The following MAPT variants were observed in gnomAD, a reference collection of about 807,000 sequenced individuals.
MAPT encodes microtubule associated protein tau.
In MAPT, 34 loss-of-function variants were observed where a neutral mutation model predicts 67.9. The observed-to-expected ratio is 0.50, with a 90% CI of 0.38 to 0.67. The LOEUF (loss-of-function observed/expected upper bound fraction) is 0.67. Among genes scored for constraint, MAPT ranks in the 30% least tolerant of loss-of-function variants. MAPT has a pLI of 0.00. For missense variants in MAPT, 881 were observed against 1,115.2 expected (o/e 0.79, Z 2.99); for synonymous variants, 456 against 464.5 (o/e 0.98, Z 0.23).
intron 9 of MAPT, among the ~76,000 whole-genome samples, chr17:46,002,330 G>T (rs1450269083): frequency 6.6e-6 from 1 of 152,184 alleles, no homozygotes; most frequent in African/African-American, 2.4e-5. Context: ...CCTTCTTGGG[G>T]GGTCGCTGGG....
chr17:45,943,653 C>G (rs911487643), intron 1 of MAPT, among the ~76,000 whole-genome samples: 1 of 152,150 alleles, frequency 6.6e-6, no homozygotes, highest in Admixed American at 6.6e-5. Flanking sequence ...TTTTCTGTGG[C>G]CTTTCAAACT....
At chr17:46,017,358 C>G (rs2076247719) in intron 11 of MAPT, among the ~76,000 whole-genome samples, 1 of 151,406 alleles carries the variant, frequency 6.6e-6, no homozygotes, top group African/African-American at 2.4e-5. Context: ...ACTGCAACCT[C>G]CGCCTCCTGG....
chr17:46,018,635 G>A lies in MAPT; in HGVS notation c.2191G>A (p.Val731Ile), dbSNP rs1410563804. ...HHKPGGGQVE[V>I]KSEKLDFKDR... ...TGTTCTAGGAGGTGGCCAGGTGGAA[G>A]TAAAATCTGAGAAGCTTGACTTCAA... is the stretch of plus-strand genomic sequence containing the variant. Residue 731 changes from valine (V) to isoleucine (I), a missense_variant, in exon 12 of 13, where the codon GTA (valine) becomes ATA (isoleucine). Coordinates refer to ENST00000262410, the MANE Select transcript of MAPT (RefSeq NM_001377265.1). 1.2e-6 allele frequency: 2 copies of A among 1,613,996 alleles called. No homozygotes were observed. Among genetic ancestry groups the A allele is most frequent in the South Asian group, 2.2e-5 (2 of 91,086 alleles).
chr17:45,954,808 G>A (rs1294370286), intron 1 of MAPT, among the ~76,000 whole-genome samples: 4 of 151,776 alleles, frequency 2.6e-5, no homozygotes, highest in East Asian at 1.9e-4. Flanking sequence ...GTGAAACCCC[G>A]TCTCTACTAA....
intron 10 of MAPT, among the ~76,000 whole-genome samples, chr17:46,012,249 C>A (rs1002746407): frequency 5.3e-5 from 8 of 152,178 alleles, no homozygotes; most frequent in African/African-American, 1.9e-4. Flanking sequence ...CTCTGGGTAG[C>A]TGATGCCCAA....
chr17:45,985,404 T>C (rs941421889), intron 5 of MAPT, among the ~76,000 whole-genome samples: 1 of 152,158 alleles, frequency 6.6e-6, no homozygotes, highest in African/African-American at 2.4e-5. Context: ...ACTTGACAGG[T>C]TACTACAATA....
intron 4 of MAPT, among the ~76,000 whole-genome samples, chr17:45,981,023 G>A (rs2072898187): frequency 6.6e-6 from 1 of 152,240 alleles, no homozygotes; most frequent in Non-Finnish European, 1.5e-5. Context: ...AACAGGAATT[G>A]GAGGGGCCCA....
At chr17:45,929,646 T>C (rs952849285) in intron 1 of MAPT, among the ~76,000 whole-genome samples, 7 of 152,204 alleles carry the variant, frequency 4.6e-5, no homozygotes, top group Non-Finnish European at 1.0e-4. Flanking sequence ...GCTCAGTAAA[T>C]GCTGGCCCCA....
In MAPT at chr17:45,983,312, C is replaced by G; in HGVS notation, c.733C>G (p.Pro245Ala). The stretch of plus-strand genomic sequence containing the variant: ...GGGCCCCAGAGAGGCCACACGCCAA[C>G]CTTCGGGGACAGGACCTGAGGACAC... Reference protein sequence around the residue: ...PEGPREATRQPSGTGPEDTEG... With the variant: ...PEGPREATRQASGTGPEDTEG... The change falls in exon 5 of 13, where the codon CCT (proline) becomes GCT (alanine). Residue 245 changes from proline (P) to alanine (A), a missense_variant. Physicochemically the swap from Pro to Ala is conservative, Grantham distance 27. This residue lies in a region of MAPT where 687 missense variants were observed against 766.1 expected (regional missense o/e 0.90). Transcript: ENST00000262410. 1 of 1,600,922 alleles carries G rather than the reference C, an allele frequency of 6.2e-7. No homozygotes were observed. Among genetic ancestry groups the G allele is most frequent in the Non-Finnish European group, 8.5e-7 (1 of 1,174,404 alleles).
intron 11 of MAPT, among the ~76,000 whole-genome samples, chr17:46,016,476 A>G (rs2076186786): frequency 6.6e-6 from 1 of 152,172 alleles, no homozygotes; most frequent in South Asian, 2.1e-4. Context: ...CACTGTGTAG[A>G]AATTAGTGCT....
At chr17:45,999,632 G>T in intron 9 of MAPT, 1 of 1,610,872 alleles carries the variant, frequency 6.2e-7, no homozygotes, top group Non-Finnish European at 8.5e-7. Flanking sequence ...CTGCCCATGA[G>T]GGGTGAGAGT....
At chr17:45,981,654 A>G (rs1246974575) in intron 4 of MAPT, among the ~76,000 whole-genome samples, 2 of 152,170 alleles carry the variant, frequency 1.3e-5, no homozygotes, top group African/African-American at 2.4e-5. Context: ...ATGATCACAC[A>G]TTTTGGATTT....
At position 45,995,727 on chromosome 17, in the gene MAPT, C is replaced by T. The variant is rs909664075; in HGVS notation, c.1733-672C>T. Among the ~76,000 whole-genome samples the T allele has an allele frequency of 8.5e-5, 13 of 152,114 alleles. No individual in the cohort carries two copies. Among genetic ancestry groups the T allele is most frequent in the African/African-American group, 1.4e-4 (6 of 41,410 alleles). Reference sequence around the variant, plus strand: ...CACAGCAGCATGAAGCGGTATGGCTCGTGTGGACAGCTAGGGACAGGCAGG... The same window carrying T: ...CACAGCAGCATGAAGCGGTATGGCTTGTGTGGACAGCTAGGGACAGGCAGG... On this transcript the variant is annotated intron_variant, in intron 8 of 12. Coordinates refer to ENST00000262410, the MANE Select transcript of MAPT (RefSeq NM_001377265.1). The surrounding 1 kb of genome is among the most constrained non-coding windows in gnomAD (Gnocchi z 4.3).
At chr17:45,920,403 C>T (rs1754082332) in intron 1 of MAPT, among the ~76,000 whole-genome samples, 3 of 152,232 alleles carry the variant, frequency 2.0e-5, no homozygotes, top group Admixed American at 1.3e-4. Flanking sequence ...CCCGGGGAAA[C>T]TGAGGCTCAG....
intron 5 of MAPT, 58 bp from the exon 6 acceptor site, chr17:45,986,982 C>A: frequency 6.7e-7 from 1 of 1,487,110 alleles, no homozygotes; most frequent in Non-Finnish European, 9.4e-7. Flanking sequence ...CCACAGCTGG[C>A]TTTCTGTGAA....
At chr17:45,993,293 T>G (rs918101745) in intron 8 of MAPT, among the ~76,000 whole-genome samples, 6 of 152,208 alleles carry the variant, frequency 3.9e-5, no homozygotes, top group African/African-American at 1.4e-4. Flanking sequence ...TGGCCTGGTG[T>G]TTTTCTCATA....
chr17:45,903,968 A>G (rs1414530768), intron 1 of MAPT, among the ~76,000 whole-genome samples: 4 of 22,504 alleles, frequency 1.8e-4, no homozygotes, highest in African/African-American at 5.6e-4. Flanking sequence ...ATTATATATT[A>G]TATATTATAT....
chr17:45,970,185 C>T (rs917374120), intron 2 of MAPT, among the ~76,000 whole-genome samples: 2 of 152,200 alleles, frequency 1.3e-5, no homozygotes, highest in African/African-American at 4.8e-5. Flanking sequence ...TCTAATCATT[C>T]AATTATACAT....
chr17:45,962,633 A>G (rs974549043), intron 2 of MAPT, among the ~76,000 whole-genome samples, 163 bp downstream of exon 2: 1 of 152,206 alleles, frequency 6.6e-6, no homozygotes. Flanking sequence ...TAACTCAAGC[A>G]GTGAGATAAT....
Sources: allele counts gnomAD v4.1 joint callset (sites outside exome capture counted in the v4.1 genomes callset), GRCh38; gene constraint gnomAD v4.1.1; regional missense constraint gnomAD v4.1.1; non-coding constraint Gnocchi (gnomAD v3.1); transcripts MANE v1.5; gene names NCBI Gene and HGNC (gene_info 2026-07-23, HGNC 2026-07-21).